The following SSU72 variants were observed in gnomAD, a reference collection of about 807,000 sequenced individuals.
SSU72 encodes RNA polymerase II subunit A C-terminal domain phosphatase SSU72.
In SSU72, 12 loss-of-function variants were observed where a neutral mutation model predicts 22.7. That is an observed-to-expected ratio of 0.53 (90% confidence interval 0.34 to 0.86). The LOEUF (loss-of-function observed/expected upper bound fraction) is 0.86, where lower values mean the gene tolerates loss of function less well. SSU72 is among the 40% of genes least tolerant of loss of function. The probability of loss-of-function intolerance (pLI) is 0.02; values close to 1 mark genes in which losing one functional copy is unlikely to be tolerated. For missense variants in SSU72, 151 were observed against 249.8 expected (o/e 0.60, Z 2.67); for synonymous variants, 116 against 98.3 (o/e 1.18, Z -1.06).
chr1:1,572,339 A>T (rs1642741303), intron 1 of SSU72, among the ~76,000 whole-genome samples: 1 of 144,480 alleles, frequency 6.9e-6, no homozygotes, highest in Non-Finnish European at 1.5e-5. Flanking sequence ...GAGGCAGGAG[A>T]ATAGTGTGAA....
chr1:1,556,880 AC>A (rs1462999360), intron 2 of SSU72, among the ~76,000 whole-genome samples: 1 of 152,142 alleles, frequency 6.6e-6, no homozygotes, highest in African/African-American at 2.4e-5. Flanking sequence ...TTCTGTCCAG[AC>A]CCTCAAATGA....
chr1:1,550,196 A>G (rs1642439503), intron 2 of SSU72, among the ~76,000 whole-genome samples: 1 of 149,352 alleles, frequency 6.7e-6, no homozygotes, highest in African/African-American at 2.5e-5. Context: ...AAAAAAGTAT[A>G]TATATATATA....
At chr1:1,553,191 G>T (rs1642474272) in intron 2 of SSU72, among the ~76,000 whole-genome samples, 1 of 152,060 alleles carries the variant, frequency 6.6e-6, no homozygotes, top group Non-Finnish European at 1.5e-5. Context: ...AGAAACCCTG[G>T]ATCTGTAACC....
intron 2 of SSU72, among the ~76,000 whole-genome samples, chr1:1,551,154 T>C (rs922999907): frequency 6.6e-5 from 10 of 152,146 alleles, no homozygotes; most frequent in African/African-American, 2.2e-4. Context: ...GGACACACAC[T>C]GCTCCCTGCA....
rs142249235 is a variant in SSU72, at chr1:1,573,769, C to T, written c.80+709G>A. 5.9e-5 allele frequency among the ~76,000 whole-genome samples: 9 copies of T among 152,292 alleles called. No homozygotes were observed. The East Asian group carries it at 1.7e-3, about 29-fold the overall frequency. Reference sequence around the variant, plus strand: ...TTTGGAGGTAAAAAAGCCATTTCAACTTTCTTACTATCAAAGTTGACACAT... The same window carrying T: ...TTTGGAGGTAAAAAAGCCATTTCAATTTTCTTACTATCAAAGTTGACACAT... On this transcript the variant is annotated intron_variant, in intron 1 of 4. Transcript: ENST00000291386.
intron 1 of SSU72, among the ~76,000 whole-genome samples, chr1:1,567,503 G>A (rs1030189409): frequency 1.3e-5 from 2 of 152,164 alleles, no homozygotes; most frequent in East Asian, 1.9e-4. Flanking sequence ...AGATCCTGAC[G>A]GAAACATGAG....
rs1360023084 is a variant in SSU72 at position 1,552,662 on chromosome 1, C to T, written c.225-7660G>A. 2.6e-5 allele frequency among the ~76,000 whole-genome samples: 4 copies of T among 152,158 alleles called. No individual in the cohort carries two copies. The East Asian group carries it at 5.8e-4, about 22-fold the overall frequency. ...CAGCCTGAGGAGTAAACCCAACAGA[C>T]GGCAAGATGGCATCACCACACACTA... On this transcript the variant is annotated intron_variant, in intron 2 of 4. Coordinates refer to ENST00000291386, the MANE Select transcript of SSU72 (RefSeq NM_014188.3).
Position 1,543,962 on chromosome 1 carries a change from G to A in SSU72, c.390C>T (p.Thr130=), listed in dbSNP as rs890974534. The A allele has an allele frequency of 3.1e-6, 5 of 1,613,760 alleles. No individual in the cohort carries two copies. The highest frequency in any genetic ancestry group is 3.4e-6 in the Non-Finnish European group (4 of 1,179,930). The change falls in exon 4 of 5, where the codon ACC becomes ACT. Residue 130 remains threonine (T), a synonymous_variant. Coordinates refer to ENST00000291386, the MANE Select transcript of SSU72 (RefSeq NM_014188.3). ...CATTGACCACGTGCACAGGCTGGCAGGTCTCCTGTTCTCTGGAATTCAGAT... is the reference window on the plus strand; with the variant it reads ...CATTGACCACGTGCACAGGCTGGCAAGTCTCCTGTTCTCTGGAATTCAGAT... The part of the protein sequence containing the change: ...VEDLNSREQE[T]CQPVHVVNVD...
At chr1:1,556,940 T>C (rs2100713348) in intron 2 of SSU72, among the ~76,000 whole-genome samples, 1 of 152,342 alleles carries the variant, frequency 6.6e-6, no homozygotes, top group African/African-American at 2.4e-5. Context: ...CTCTGTCATC[T>C]CAGATGAGAA....
At chr1:1,561,785 G>A (rs544007373) in intron 2 of SSU72, 3 of 152,274 alleles carry the variant, frequency 2.0e-5, no homozygotes, top group African/African-American at 4.8e-5. Context: ...GACGCCCCCC[G>A]AGTGAAATAA....
intron 2 of SSU72, chr1:1,564,411 C>A (rs1487035942): frequency 4.9e-6 from 7 of 1,427,930 alleles, no homozygotes; most frequent in African/African-American, 1.4e-5. Flanking sequence ...CGCACGCACA[C>A]CAACCTGCAA....
intron 2 of SSU72, among the ~76,000 whole-genome samples, chr1:1,559,732 G>C (rs1331556599): frequency 8.4e-6 from 1 of 118,916 alleles, no homozygotes; most frequent in Non-Finnish European, 1.6e-5. Flanking sequence ...GCTACTTTTT[G>C]TATTTTATTT....
At chr1:1,558,072 C>A (rs1308370531) in intron 2 of SSU72, among the ~76,000 whole-genome samples, 1 of 152,064 alleles carries the variant, frequency 6.6e-6, no homozygotes, top group African/African-American at 2.4e-5. Context: ...CGTGGTGGCA[C>A]ATGCCTGAAA....
rs757874220 is a variant in SSU72, at chr1:1,574,464, T to G, written c.80+14A>C. 1.9e-6 allele frequency: 3 copies of G among 1,591,280 alleles called. No individual in the cohort carries two copies. In the African/African-American group the frequency reaches 4.2e-5, roughly 22 times the overall value. ...CGGAGCAGAGCGCGCGGGGACAGGG[T>G]GGAGCCCAACTACCTGAGGATGTTG... is the stretch of plus-strand genomic sequence containing the variant. On this transcript the variant is annotated intron_variant, in intron 1 of 4. Coordinates refer to ENST00000291386, the MANE Select transcript of SSU72 (RefSeq NM_014188.3).
At chr1:1,549,519 A>C (rs1225425930) in intron 2 of SSU72, among the ~76,000 whole-genome samples, 2 of 136,692 alleles carry the variant, frequency 1.5e-5, no homozygotes, top group Non-Finnish European at 3.0e-5. Flanking sequence ...ACTCTGTCTC[A>C]AAAAAAAAAA....
chr1:1,548,046 C>G (rs752827555), intron 2 of SSU72, among the ~76,000 whole-genome samples: 35 of 152,328 alleles, frequency 2.3e-4, no homozygotes, highest in Non-Finnish European at 4.6e-4. Flanking sequence ...TGAAACGTAC[C>G]CAGAAAAGTG....
chr1:1,570,339 A>G (rs1642712684), intron 1 of SSU72, among the ~76,000 whole-genome samples: 1 of 151,984 alleles, frequency 6.6e-6, no homozygotes, highest in African/African-American at 2.4e-5. Flanking sequence ...TCCAACTTCA[A>G]TAAGGCCAAG....
intron 1 of SSU72, among the ~76,000 whole-genome samples, chr1:1,571,514 T>C (rs1642731266): frequency 6.6e-6 from 1 of 151,982 alleles, no homozygotes; most frequent in Non-Finnish European, 1.5e-5. Flanking sequence ...CCATAATAGA[T>C]GTCACCTTAA....
intron 1 of SSU72, among the ~76,000 whole-genome samples, chr1:1,565,603 C>G (rs1642650541): frequency 2.0e-5 from 1 of 49,070 alleles, no homozygotes; most frequent in Admixed American, 2.8e-4. Flanking sequence ...AACTCTGTCT[C>G]CCCCAGTTTC....
Sources: gnomAD v4.1 joint callset for allele counts (sites outside exome capture counted in the v4.1 genomes callset) on GRCh38, gnomAD v4.1.1 for gene constraint, MANE v1.5 for transcripts, NCBI Gene and HGNC (gene_info 2026-07-23, HGNC 2026-07-21) for gene names.